Variants in ANKRD6 observed in about 807,000 individuals in gnomAD.
The protein encoded by ANKRD6 is ankyrin repeat domain 6.
Under a neutral mutation model 82.3 loss-of-function variants are expected in ANKRD6, and 56 were observed. That is an observed-to-expected ratio of 0.68 (90% confidence interval 0.55 to 0.85). The LOEUF (loss-of-function observed/expected upper bound fraction) is 0.85, where lower values mean the gene tolerates loss of function less well. Among genes scored for constraint, ANKRD6 ranks in the 40% least tolerant of loss-of-function variants. ANKRD6 has a pLI of 0.00. For synonymous variants in ANKRD6, 347 were observed against 352.1 expected, an observed-to-expected ratio of 0.99 and a Z score of 0.16; for missense variants, 852 against 907.6, an observed-to-expected ratio of 0.94 and a Z score of 0.79.
intron 6 of ANKRD6, among the ~76,000 whole-genome samples, chr6:89,613,123 C>T (rs542321609): frequency 6.6e-6 from 1 of 152,280 alleles, no homozygotes; most frequent in South Asian, 2.1e-4. Context: ...CTTTTTGTCT[C>T]CAGTTCTTTA....
chr6:89,444,077 T>C (rs1178092510), intron 1 of ANKRD6, among the ~76,000 whole-genome samples: 2 of 152,224 alleles, frequency 1.3e-5, no homozygotes, highest in Non-Finnish European at 2.9e-5. Context: ...GCATTAGCCA[T>C]CTTTTTTAAA....
chr6:89,520,685 C>T (rs1302196133), intron 1 of ANKRD6, among the ~76,000 whole-genome samples: 1 of 152,166 alleles, frequency 6.6e-6, no homozygotes, highest in Non-Finnish European at 1.5e-5. Context: ...TTCATGTGAG[C>T]AATGGTGCGT....
At chr6:89,448,890 C>A (rs893998200) in intron 1 of ANKRD6, among the ~76,000 whole-genome samples, 1 of 151,342 alleles carries the variant, frequency 6.6e-6, no homozygotes, top group Non-Finnish European at 1.5e-5. Flanking sequence ...ATTAGCCGGG[C>A]GTGTTGGCGG....
At chr6:89,437,922 G>A (rs1389984688) in intron 1 of ANKRD6, among the ~76,000 whole-genome samples, 1 of 152,110 alleles carries the variant, frequency 6.6e-6, no homozygotes, top group African/African-American at 2.4e-5. Flanking sequence ...AGCCTCCTAA[G>A]TAGCTGGGAC....
At chr6:89,628,964 G>A in intron 14 of ANKRD6, 148 bp from the exon 15 acceptor site, 1 of 827,722 alleles carries the variant, frequency 1.2e-6, no homozygotes, top group Non-Finnish European at 1.8e-6. Flanking sequence ...ATAGCAGTGG[G>A]CAAGCCATAA....
chr6:89,453,133 T>C lies in ANKRD6; in HGVS notation c.-144+19758T>C, dbSNP rs961332629. 2.0e-5 allele frequency among the ~76,000 whole-genome samples: 3 copies of C among 152,220 alleles called. No homozygotes were observed. The South Asian group carries it at 6.2e-4, about 32-fold the overall frequency. On this transcript the variant is annotated intron_variant, in intron 1 of 15. Transcript: ENST00000339746. ...TTCCATCCCAATTGTCATTCCCTTC[T>C]TCCAAAAGTAACTACAGGCGGTTCT...
intron 1 of ANKRD6, among the ~76,000 whole-genome samples, chr6:89,526,214 C>T (rs888680127): frequency 2.0e-5 from 3 of 152,222 alleles, no homozygotes; most frequent in Non-Finnish European, 4.4e-5. Flanking sequence ...TGTGTACACA[C>T]ACTCTGGTTG....
At chr6:89,567,781 A>G (rs992104957) in intron 2 of ANKRD6, among the ~76,000 whole-genome samples, 4 of 152,156 alleles carry the variant, frequency 2.6e-5, no homozygotes, top group Admixed American at 2.6e-4. Flanking sequence ...AGCCTTCTAG[A>G]AGAGATTCTC....
intron 2 of ANKRD6, among the ~76,000 whole-genome samples, chr6:89,589,480 T>G (rs1041824118): frequency 6.6e-6 from 1 of 152,162 alleles, no homozygotes; most frequent in Non-Finnish European, 1.5e-5. Context: ...CCTTTCAGGG[T>G]TTCTTTTAAG....
chr6:89,590,055 T>C (rs765084413), intron 2 of ANKRD6, among the ~76,000 whole-genome samples: 20 of 152,194 alleles, frequency 1.3e-4, no homozygotes, highest in Non-Finnish European at 2.5e-4. Flanking sequence ...CTGAAAATGA[T>C]TGGATAAAAA....
At chr6:89,547,321 C>G (rs926998074) in intron 1 of ANKRD6, among the ~76,000 whole-genome samples, 3 of 152,208 alleles carry the variant, frequency 2.0e-5, no homozygotes, top group Non-Finnish European at 4.4e-5. Flanking sequence ...CTGCTGCTAC[C>G]TCCAATAAGA....
At chr6:89,580,705 G>A (rs182242403) in intron 2 of ANKRD6, among the ~76,000 whole-genome samples, 545 of 152,268 alleles carry the variant, frequency 3.6e-3, no homozygotes, top group Non-Finnish European at 5.5e-3. Flanking sequence ...CAGTGGAAAC[G>A]AAGGATCTTT....
intron 1 of ANKRD6, among the ~76,000 whole-genome samples, chr6:89,459,159 A>G (rs1582709776): frequency 1.3e-5 from 2 of 151,674 alleles, no homozygotes; most frequent in South Asian, 4.2e-4. Flanking sequence ...GCTCACTGCA[A>G]CCTCCGTCTC....
chr6:89,620,609 A>G (rs1802852001), intron 9 of ANKRD6, among the ~76,000 whole-genome samples: 1 of 152,084 alleles, frequency 6.6e-6, no homozygotes, highest in African/African-American at 2.4e-5. Flanking sequence ...GTTTCCATCA[A>G]CTCAAAGATC....
At chr6:89,531,614 T>C (rs1231444535) in intron 1 of ANKRD6, among the ~76,000 whole-genome samples, 1 of 152,262 alleles carries the variant, frequency 6.6e-6, no homozygotes, top group Non-Finnish European at 1.5e-5. Flanking sequence ...ATTTAAAAAA[T>C]TGGAGATCCG....
Position 89,436,067 on chromosome 6 carries a change from A to G in ANKRD6, c.-144+2692A>G, listed in dbSNP as rs1158680126. On this transcript the variant is annotated intron_variant, in intron 1 of 15. Transcript: ENST00000339746. ...TTCAGTAGTTAGTAATTTTTTCACA[A>G]TTCCCTTAGGTTTCAGTAGTTAGTA... Among the ~76,000 whole-genome samples the G allele has an allele frequency of 3.9e-5, 6 of 152,328 alleles. No individual in the cohort carries two copies. The East Asian group carries it at 1.2e-3, about 29-fold the overall frequency.
intron 1 of ANKRD6, among the ~76,000 whole-genome samples, chr6:89,518,323 G>A (rs1781469451): frequency 6.6e-6 from 1 of 151,884 alleles, no homozygotes; most frequent in Admixed American, 6.6e-5. Flanking sequence ...AATGGCTTGA[G>A]CCTGGGAGTT....
At chr6:89,600,840 A>G (rs1340359621) in intron 3 of ANKRD6, among the ~76,000 whole-genome samples, 1 of 150,602 alleles carries the variant, frequency 6.6e-6, no homozygotes, top group Admixed American at 6.7e-5. Context: ...GTTCAAGTCC[A>G]GCCTGGCCAA....
intron 1 of ANKRD6, among the ~76,000 whole-genome samples, chr6:89,510,450 C>T (rs1780398523): frequency 6.6e-6 from 1 of 151,736 alleles, no homozygotes; most frequent in Non-Finnish European, 1.5e-5. Flanking sequence ...GCACCTGGTA[C>T]TGTGGCAATA....
Sources: allele counts gnomAD v4.1 joint callset (sites outside exome capture counted in the v4.1 genomes callset), GRCh38; gene constraint gnomAD v4.1.1; transcripts MANE v1.5; gene names NCBI Gene and HGNC (gene_info 2026-07-23, HGNC 2026-07-21).